Variants in ZSWIM5 observed in about 807,000 individuals in gnomAD.
ZSWIM5 encodes zinc finger SWIM domain-containing protein 5.
In ZSWIM5, 55 loss-of-function variants were observed where a neutral mutation model predicts 119.6. The ratio of observed to expected loss-of-function variants is 0.46; its 90% CI spans 0.37 to 0.58. ZSWIM5 has a LOEUF of 0.58. Among genes scored for constraint, ZSWIM5 ranks in the 20% least tolerant of loss-of-function variants. The pLI is 0.00. For synonymous variants in ZSWIM5, 537 were observed against 606.9 expected (o/e 0.88, Z 1.69); for missense variants, 1,193 against 1,512.8 (o/e 0.79, Z 3.51).
intron 5 of ZSWIM5, among the ~76,000 whole-genome samples, 158 bp from the exon 6 acceptor site, chr1:45,043,553 G>A (rs996131051): frequency 6.6e-6 from 1 of 152,186 alleles, no homozygotes; most frequent in African/African-American, 2.4e-5. Context: ...GGCAATGAGA[G>A]CAGCCACTTG....
chr1:45,151,757 T>C (rs1239512084), intron 1 of ZSWIM5, among the ~76,000 whole-genome samples: 1 of 152,156 alleles, frequency 6.6e-6, no homozygotes, highest in Admixed American at 6.5e-5. Flanking sequence ...ATGTTTTCTG[T>C]TTAGCAGCTT....
At chr1:45,126,216 T>A (rs1477505255) in intron 1 of ZSWIM5, among the ~76,000 whole-genome samples, 21 of 125,286 alleles carry the variant, frequency 1.7e-4, no homozygotes, top group Admixed American at 2.3e-4. Context: ...TCCATGAAAC[T>A]GAAAAAAAAA....
At chr1:45,106,000 C>T (rs1296554867) in intron 1 of ZSWIM5, among the ~76,000 whole-genome samples, 12 of 140,772 alleles carry the variant, frequency 8.5e-5, no homozygotes, top group Middle Eastern at 4.5e-3. Context: ...AAGTGAGGAG[C>T]GCCTCTGCCC....
At chr1:45,195,580 A>T (rs909682378) in intron 1 of ZSWIM5, among the ~76,000 whole-genome samples, 9 of 152,218 alleles carry the variant, frequency 5.9e-5, no homozygotes, top group African/African-American at 2.2e-4. Flanking sequence ...AACAAACATG[A>T]AGAAAATTAT....
chr1:45,182,358 C>T (rs1327683071), intron 1 of ZSWIM5, among the ~76,000 whole-genome samples: 6 of 150,940 alleles, frequency 4.0e-5, no homozygotes, highest in East Asian at 1.9e-4. Context: ...GAGCGGAGAT[C>T]GCGCCACAGC....
intron 1 of ZSWIM5, among the ~76,000 whole-genome samples, chr1:45,106,410 G>A (rs1645478707): frequency 7.2e-6 from 1 of 139,708 alleles, no homozygotes; most frequent in African/African-American, 2.7e-5. Context: ...GAGCGCCTCT[G>A]CCCGGCCGCC....
intron 1 of ZSWIM5, among the ~76,000 whole-genome samples, chr1:45,098,752 A>C (rs1053971487): frequency 2.6e-5 from 4 of 152,206 alleles, no homozygotes; most frequent in African/African-American, 4.8e-5. Context: ...ACTCACTCAA[A>C]ACCGCACAAC....
chr1:45,081,885 AGGG>A (rs1195904548), intron 2 of ZSWIM5, among the ~76,000 whole-genome samples: 2 of 151,682 alleles, frequency 1.3e-5, no homozygotes, highest in Non-Finnish European at 2.9e-5. Flanking sequence ...TGGAATAGAA[AGGG>A]GGGAAAGGTG....
At chr1:45,080,299 G>T (rs1645282357) in intron 2 of ZSWIM5, among the ~76,000 whole-genome samples, 1 of 152,196 alleles carries the variant, frequency 6.6e-6, no homozygotes, top group African/African-American at 2.4e-5. Context: ...TGGAACTCAA[G>T]TTTGGACTGC....
intron 1 of ZSWIM5, among the ~76,000 whole-genome samples, chr1:45,104,905 C>T (rs546643608): frequency 2.7e-4 from 41 of 152,328 alleles, no homozygotes; most frequent in Middle Eastern, 3.4e-3. Context: ...ATGAGGCTTC[C>T]GAAGCCCAGG....
chr1:45,063,796 T>A (rs948944291), intron 2 of ZSWIM5, among the ~76,000 whole-genome samples: 1 of 151,904 alleles, frequency 6.6e-6, no homozygotes, highest in Non-Finnish European at 1.5e-5. Flanking sequence ...ATCGAGACCA[T>A]CCTGGCTAAC....
At chr1:45,141,590 A>G (rs1184571150) in intron 1 of ZSWIM5, among the ~76,000 whole-genome samples, 22 of 152,210 alleles carry the variant, frequency 1.4e-4, no homozygotes, top group Admixed American at 1.4e-3. Context: ...AACAACAACT[A>G]TCAACATAAT....
At chr1:45,070,582 T>C (rs1330820628) in intron 2 of ZSWIM5, among the ~76,000 whole-genome samples, 1 of 152,238 alleles carries the variant, frequency 6.6e-6, no homozygotes, top group Non-Finnish European at 1.5e-5. Context: ...ATTTCATAGG[T>C]TGCAATATCT....
intron 2 of ZSWIM5, among the ~76,000 whole-genome samples, chr1:45,079,822 T>C (rs1645278657): frequency 6.6e-6 from 1 of 152,290 alleles, no homozygotes; most frequent in African/African-American, 2.4e-5. Flanking sequence ...CCCAGTGCTC[T>C]TCAGCTAGCA....
At chr1:45,156,043 T>C (rs1409847251) in intron 1 of ZSWIM5, among the ~76,000 whole-genome samples, 1 of 151,610 alleles carries the variant, frequency 6.6e-6, no homozygotes, top group Non-Finnish European at 1.5e-5. Context: ...AAATAAAAAT[T>C]TGTTAAAAGA....
chr1:45,044,227 C>A (rs550183827), intron 5 of ZSWIM5, among the ~76,000 whole-genome samples: 1 of 149,864 alleles, frequency 6.7e-6, no homozygotes, highest in Non-Finnish European at 1.5e-5. Context: ...AGAGCTGAAG[C>A]TCTGTATATT....
intron 2 of ZSWIM5, among the ~76,000 whole-genome samples, chr1:45,074,241 G>A (rs1460750804): frequency 2.6e-5 from 4 of 151,878 alleles, no homozygotes; most frequent in African/African-American, 9.7e-5. Flanking sequence ...GGTAATATTT[G>A]CCTTGTAGAA....
At chr1:45,096,434 TTG>T (rs112308838) in intron 1 of ZSWIM5, among the ~76,000 whole-genome samples, 21,846 of 144,106 alleles carry the variant, frequency 0.15, 1,942 homozygotes, top group African/African-American at 0.26. Context: ...AGATAACTGT[TTG>T]TGTGTGTGTG....
intron 1 of ZSWIM5, among the ~76,000 whole-genome samples, chr1:45,149,130 G>A (rs374741643): frequency 2.0e-5 from 3 of 151,872 alleles, no homozygotes; most frequent in Non-Finnish European, 4.4e-5. Context: ...TAATTAGCAG[G>A]GCATGGTGGC....
Sources: gnomAD v4.1 joint callset for allele counts (sites outside exome capture counted in the v4.1 genomes callset) on GRCh38, gnomAD v4.1.1 for gene constraint, MANE v1.5 for transcripts, NCBI Gene and HGNC (gene_info 2026-07-23, HGNC 2026-07-21) for gene names.